The following STK39 variants were observed in gnomAD, a reference collection of about 807,000 sequenced individuals.
The protein encoded by STK39 is STE20/SPS1-related proline-alanine-rich protein kinase.
STK39 carries 20 observed loss-of-function variants against 77.8 expected under a neutral mutation model. That is an observed-to-expected ratio of 0.26 (90% CI 0.18 to 0.37). STK39 has a LOEUF of 0.37. Ranked by LOEUF, STK39 falls within the 10% of genes least tolerant of loss-of-function variation. The pLI, the probability that STK39 is intolerant of heterozygous loss-of-function variation, is 1.00. For missense variants in STK39, 479 were observed against 656.5 expected (o/e 0.73, Z 2.95); for synonymous variants, 246 against 234.1 (o/e 1.05, Z -0.47).
At chr2:168,067,484 T>C (rs571346658) in intron 12 of STK39, among the ~76,000 whole-genome samples, 1 of 152,344 alleles carries the variant, frequency 6.6e-6, no homozygotes, top group South Asian at 2.1e-4. Context: ...CCCTGAGGCT[T>C]TCCCAGAAGC....
intron 2 of STK39, among the ~76,000 whole-genome samples, chr2:168,170,124 A>C (rs942239023): frequency 1.3e-5 from 2 of 152,240 alleles, no homozygotes; most frequent in African/African-American, 4.8e-5. Flanking sequence ...ATTTCCACAT[A>C]GAAGAAAGTT....
chr2:168,145,282 T>A (rs4668024), intron 5 of STK39, among the ~76,000 whole-genome samples: 1 of 151,972 alleles, frequency 6.6e-6, no homozygotes, highest in Non-Finnish European at 1.5e-5. Flanking sequence ...AGGAATACAA[T>A]GGAGAAAAGA....
intron 14 of STK39, among the ~76,000 whole-genome samples, chr2:168,050,389 C>A (rs1685363597): frequency 6.6e-6 from 1 of 152,168 alleles, no homozygotes; most frequent in South Asian, 2.1e-4. Context: ...ATCTCAGGAA[C>A]CTGTGAATAA....
intron 5 of STK39, among the ~76,000 whole-genome samples, chr2:168,148,460 C>T (rs1433916723): frequency 1.3e-5 from 2 of 152,202 alleles, no homozygotes; most frequent in Admixed American, 6.5e-5. Flanking sequence ...TAACTTAAGT[C>T]TTCCAGGTGG....
chr2:168,164,873 C>A lies in STK39; in HGVS notation c.431-993G>T, dbSNP rs1021226046. ...CCAAACCCCTGGGTCAGTTTAAAAGCCAAAATTACCTGGGGGTTTGACATT... is the reference window on the plus strand; with the variant it reads ...CCAAACCCCTGGGTCAGTTTAAAAGACAAAATTACCTGGGGGTTTGACATT... On this transcript the variant is annotated intron_variant, in intron 3 of 17. Transcript: ENST00000355999. 3.9e-5 allele frequency among the ~76,000 whole-genome samples: 6 copies of A among 152,260 alleles called. No individual in the cohort carries two copies. The South Asian group carries it at 1.2e-3, about 32-fold the overall frequency.
At position 168,032,273 on chromosome 2, in the gene STK39, T is replaced by C. The variant is rs188958020; in HGVS notation, c.1377-15178A>G. ...CCGTGTGATTATCAAATAATAAAGC[T>C]GATTTTTGTGTATGAGTCATGGAAT... is the stretch of plus-strand genomic sequence containing the variant. On this transcript the variant is annotated intron_variant, in intron 14 of 17. Coordinates refer to ENST00000355999, the MANE Select transcript of STK39 (RefSeq NM_013233.3). Among the ~76,000 whole-genome samples, 421 of 152,304 alleles carry C rather than the reference T, an allele frequency of 2.8e-3. 2 individuals are homozygous for C. Among genetic ancestry groups the C allele is most frequent in the African/African-American group, 9.5e-3 (395 of 41,574 alleles).
intron 3 of STK39, 68 bp downstream of exon 3, chr2:168,167,231 C>T: frequency 1.4e-5 from 19 of 1,332,366 alleles, no homozygotes; most frequent in Non-Finnish European, 2.0e-5. Context: ...AAAGTCTTCT[C>T]CAATATGCTG....
rs866507047 is a variant in STK39 at position 168,229,262 on chromosome 2, A to G, written c.208+17966T>C. Reference sequence around the variant, plus strand: ...AGCCAGGTGTAGTGGCAGGTGCCTTATAATCCCAGCTACTCCAGAGGCTGA... The same window carrying G: ...AGCCAGGTGTAGTGGCAGGTGCCTTGTAATCCCAGCTACTCCAGAGGCTGA... On this transcript the variant is annotated intron_variant, in intron 1 of 17. Transcript: ENST00000355999. Among the ~76,000 whole-genome samples the G allele has an allele frequency of 9.9e-5, 15 of 151,870 alleles. No individual in the cohort carries two copies. In the South Asian group the frequency reaches 1.5e-3, roughly 15 times the overall value.
At chr2:168,146,517 G>A (rs898692366) in intron 5 of STK39, among the ~76,000 whole-genome samples, 6 of 152,266 alleles carry the variant, frequency 3.9e-5, no homozygotes, top group African/African-American at 9.6e-5. Context: ...GGAGCAATAG[G>A]AGCCCCCATA....
At chr2:168,226,403 G>T (rs1047604636) in intron 1 of STK39, among the ~76,000 whole-genome samples, 1 of 152,042 alleles carries the variant, frequency 6.6e-6, no homozygotes, top group African/African-American at 2.4e-5. Context: ...GGTAATTTTA[G>T]TGAGTCCCTG....
At chr2:168,163,902 T>A in intron 3 of STK39, 22 bp from the exon 4 acceptor site, 4 of 1,608,792 alleles carry the variant, frequency 2.5e-6, no homozygotes, top group Non-Finnish European at 3.4e-6. Flanking sequence ...AACAGAAGAA[T>A]TAAAACATAA....
chr2:168,120,299 T>C (rs1687371309), intron 10 of STK39, among the ~76,000 whole-genome samples: 1 of 152,290 alleles, frequency 6.6e-6, no homozygotes, highest in East Asian at 1.9e-4. Context: ...ACAATAAATA[T>C]CGTTTTTCTC....
intron 14 of STK39, among the ~76,000 whole-genome samples, chr2:168,019,268 C>T (rs1684511223): frequency 6.6e-6 from 1 of 152,222 alleles, no homozygotes; most frequent in Non-Finnish European, 1.5e-5. Flanking sequence ...TTACCCATGT[C>T]AGTATAATAA....
At chr2:168,181,806 C>T (rs1019106232) in intron 2 of STK39, among the ~76,000 whole-genome samples, 172 bp downstream of exon 2, 1 of 152,192 alleles carries the variant, frequency 6.6e-6, no homozygotes. Context: ...TTATACAACA[C>T]AATCATAAGG....
intron 14 of STK39, among the ~76,000 whole-genome samples, chr2:168,043,680 T>C (rs933311425): frequency 1.3e-5 from 2 of 152,222 alleles, no homozygotes; most frequent in Admixed American, 6.5e-5. Context: ...AACACAACCA[T>C]AGCCCTTTCT....
At chr2:168,219,149 G>A (rs527854589) in intron 1 of STK39, among the ~76,000 whole-genome samples, 24 of 152,164 alleles carry the variant, frequency 1.6e-4, no homozygotes, top group East Asian at 3.9e-4. Context: ...GGTCAGGCGC[G>A]GTGGCTCATG....
At chr2:168,213,580 G>C (rs2105702465) in intron 1 of STK39, among the ~76,000 whole-genome samples, 1 of 151,986 alleles carries the variant, frequency 6.6e-6, no homozygotes, top group South Asian at 2.1e-4. Context: ...CAGCTACTCG[G>C]GAGGCTGAGG....
intron 5 of STK39, among the ~76,000 whole-genome samples, chr2:168,153,661 G>A (rs776469473): frequency 3.3e-5 from 5 of 151,908 alleles, no homozygotes; most frequent in Non-Finnish European, 7.4e-5. Context: ...ACAATATGAG[G>A]CCTGGAAGTC....
chr2:168,181,923 T>C (rs780429106), intron 2 of STK39, 55 bp downstream of exon 2: 54 of 1,478,654 alleles, frequency 3.7e-5, no homozygotes, highest in Admixed American at 5.0e-5. Flanking sequence ...ACCATCCCCA[T>C]ATACCCATAG....
Sources: gnomAD v4.1 joint callset for allele counts (sites outside exome capture counted in the v4.1 genomes callset) on GRCh38, gnomAD v4.1.1 for gene constraint, MANE v1.5 for transcripts, NCBI Gene and HGNC (gene_info 2026-07-23, HGNC 2026-07-21) for gene names.